The following CAPS2 variants were observed in gnomAD, a reference collection of about 807,000 sequenced individuals.
CAPS2 encodes the protein calcyphosin-2.
CAPS2 carries 98 observed loss-of-function variants against 86.5 expected under a neutral mutation model. The observed-to-expected ratio is 1.13, with a 90% CI of 0.96 to 1.34. The LOEUF (loss-of-function observed/expected upper bound fraction) is 1.34. Ranked by LOEUF, CAPS2 falls within the 40% of genes most tolerant of loss-of-function variation. CAPS2 has a pLI of 0.00. For synonymous variants in CAPS2, 210 were observed against 225.1 expected (o/e 0.93, Z 0.60); for missense variants, 729 against 686.8 (o/e 1.06, Z -0.69).
chr12:75,339,861 G>C lies in CAPS2; in HGVS notation c.-394-16639C>G, dbSNP rs181578280. 8.9e-4 allele frequency among the ~76,000 whole-genome samples: 135 copies of C among 151,922 alleles called. No homozygotes were observed. The Middle Eastern group carries it at 0.01, about 11-fold the overall frequency. On this transcript the variant is annotated intron_variant, in intron 1 of 5. Coordinates refer to the CAPS2 transcript ENST00000551829. ...TTTACTGGTGATTTCTGAGATTTTGGTGCACCCATCGCCCAAGCAGTGCCC... is the reference window on the plus strand; with the variant it reads ...TTTACTGGTGATTTCTGAGATTTTGCTGCACCCATCGCCCAAGCAGTGCCC...
At chr12:75,346,165 T>C (rs2042431058) in intron 1 of CAPS2, among the ~76,000 whole-genome samples, 1 of 152,206 alleles carries the variant, frequency 6.6e-6, no homozygotes, top group African/African-American at 2.4e-5. Flanking sequence ...AGTCACAATT[T>C]AGATAAAATT....
At chr12:75,358,012 A>T (rs909387409) in intron 1 of CAPS2, among the ~76,000 whole-genome samples, 1 of 151,582 alleles carries the variant, frequency 6.6e-6, no homozygotes, top group Non-Finnish European at 1.5e-5. Flanking sequence ...AAGCATACAT[A>T]AATAAAATAA....
intron 1 of CAPS2, among the ~76,000 whole-genome samples, chr12:75,358,934 G>C (rs1342132662): frequency 1.4e-5 from 2 of 144,614 alleles, no homozygotes; most frequent in Admixed American, 1.4e-4. Context: ...GCATAAAACA[G>C]ATAAATATAT....
intron 1 of CAPS2, among the ~76,000 whole-genome samples, chr12:75,353,250 C>T (rs370353413): frequency 1.3e-5 from 2 of 151,866 alleles, no homozygotes; most frequent in South Asian, 4.2e-4. Flanking sequence ...AGACTACTAA[C>T]TAAATAGAAT....
intron 1 of CAPS2, among the ~76,000 whole-genome samples, chr12:75,390,126 T>C (rs184618644): frequency 4.6e-5 from 7 of 152,354 alleles, no homozygotes; most frequent in Admixed American, 3.3e-4. Context: ...CAATATGTAA[T>C]ATGCAAACGT....
chr12:75,376,955 A>G (rs2044682390), intron 1 of CAPS2, among the ~76,000 whole-genome samples: 1 of 152,034 alleles, frequency 6.6e-6, no homozygotes, highest in African/African-American at 2.4e-5. Context: ...TTCTTTCATC[A>G]TTTTGTCCAG....
chr12:75,338,252 G>A (rs1316183648), intron 1 of CAPS2, among the ~76,000 whole-genome samples: 2 of 152,060 alleles, frequency 1.3e-5, no homozygotes, highest in African/African-American at 4.8e-5. Context: ...TATATCATGG[G>A]ATTTATCTCA....
intron 12 of CAPS2, among the ~76,000 whole-genome samples, chr12:75,292,489 C>T (rs2036146667): frequency 6.6e-6 from 1 of 150,952 alleles, no homozygotes; most frequent in South Asian, 2.1e-4. Context: ...CCCTCAAATG[C>T]ATTCATTTTT....
At chr12:75,377,068 CATT>C (rs2044689508) in intron 1 of CAPS2, among the ~76,000 whole-genome samples, 1 of 152,168 alleles carries the variant, frequency 6.6e-6, no homozygotes, top group Non-Finnish European at 1.5e-5. Context: ...TTCTCAAGAG[CATT>C]GAATCAGGAG....
At chr12:75,367,732 C>T (rs768674558) in intron 1 of CAPS2, among the ~76,000 whole-genome samples, 1 of 152,082 alleles carries the variant, frequency 6.6e-6, no homozygotes, top group Non-Finnish European at 1.5e-5. Context: ...GATGACAAAT[C>T]ATGTCTTCCG....
At chr12:75,368,385 A>C (rs1593863421) in intron 1 of CAPS2, among the ~76,000 whole-genome samples, 1 of 151,614 alleles carries the variant, frequency 6.6e-6, no homozygotes, top group Non-Finnish European at 1.5e-5. Context: ...CATCTCTTGA[A>C]CTAATGCTAC....
chr12:75,292,950 T>G (rs1282215952), intron 12 of CAPS2, among the ~76,000 whole-genome samples: 5 of 151,682 alleles, frequency 3.3e-5, no homozygotes, highest in Admixed American at 2.6e-4. Context: ...TTTTTTAAAT[T>G]TATTTCTTTT....
intron 7 of CAPS2, chr12:75,305,841 T>C: frequency 1.3e-6 from 1 of 752,184 alleles, no homozygotes; most frequent in South Asian, 1.4e-5. Flanking sequence ...ACCAGCCTCA[T>C]CCTCGCCCAG....
chr12:75,317,760 C>T (rs2039913657), intron 5 of CAPS2, among the ~76,000 whole-genome samples: 1 of 151,988 alleles, frequency 6.6e-6, no homozygotes, highest in African/African-American at 2.4e-5. Context: ...TAATCATTAT[C>T]ACAATCAAAT....
intron 1 of CAPS2, among the ~76,000 whole-genome samples, chr12:75,370,906 A>T (rs905928956): frequency 4.6e-5 from 7 of 152,180 alleles, no homozygotes; most frequent in Admixed American, 6.5e-5. Flanking sequence ...AGTTTTCAAA[A>T]TCATCAATGC....
upstream of CAPS2, among the ~76,000 whole-genome samples, chr12:75,331,375 A>G (rs1293344564): frequency 3.3e-5 from 5 of 152,172 alleles, no homozygotes; most frequent in Non-Finnish European, 7.4e-5. Flanking sequence ...TCCTGGTGCA[A>G]ATTTGGGAGT....
At chr12:75,366,460 G>A (rs1291081526) in intron 1 of CAPS2, among the ~76,000 whole-genome samples, 2 of 152,224 alleles carry the variant, frequency 1.3e-5, no homozygotes, top group East Asian at 3.9e-4. Flanking sequence ...GATGTAATTT[G>A]CCTATTAGCT....
chr12:75,308,847 G>C (rs1400606056), intron 7 of CAPS2, among the ~76,000 whole-genome samples: 1 of 137,934 alleles, frequency 7.2e-6, no homozygotes, highest in Non-Finnish European at 1.6e-5. Context: ...CGCTTGCAGT[G>C]AGCCGAGATC....
At chr12:75,285,106 G>A (rs745435916) in intron 14 of CAPS2, 26 bp from the exon 15 acceptor site, 2 of 1,595,228 alleles carry the variant, frequency 1.3e-6, no homozygotes, top group Non-Finnish European at 1.7e-6. Context: ...GATAACTGTT[G>A]CATTTTTAAG....
Sources: gnomAD v4.1 joint callset for allele counts (sites outside exome capture counted in the v4.1 genomes callset) on GRCh38, gnomAD v4.1.1 for gene constraint, MANE v1.5 for transcripts, NCBI Gene and HGNC (gene_info 2026-07-23, HGNC 2026-07-21) for gene names.